Variants in LHFPL3 observed in about 807,000 individuals in gnomAD.
LHFPL3 encodes LHFPL tetraspan subfamily member 3, also known as LHFPL tetraspan subfamily member 3 protein.
In LHFPL3, 5 loss-of-function variants were observed where a neutral mutation model predicts 19.3. The observed-to-expected ratio is 0.26, with a 90% CI of 0.14 to 0.54. The LOEUF is 0.54. LHFPL3 is among the 20% of genes least tolerant of loss of function. The pLI is 0.94. For synonymous variants in LHFPL3, 133 were observed against 126.2 expected, an observed-to-expected ratio of 1.05 and a Z score of -0.36; for missense variants, 249 against 307.4, an observed-to-expected ratio of 0.81 and a Z score of 1.42.
intron 1 of LHFPL3, among the ~76,000 whole-genome samples, chr7:104,394,287 C>G (rs1163197084): frequency 2.0e-5 from 3 of 152,090 alleles, no homozygotes; most frequent in Non-Finnish European, 4.4e-5. Flanking sequence ...CTAACAAGCT[C>G]CCAGGTTGCA....
intron 2 of LHFPL3, among the ~76,000 whole-genome samples, chr7:104,762,057 C>A (rs1046026393): frequency 1.3e-5 from 2 of 152,156 alleles, no homozygotes; most frequent in Non-Finnish European, 2.9e-5. Flanking sequence ...TCAGTAGATT[C>A]TGCATATCTA....
At chr7:104,857,161 T>G (rs749936002) in intron 2 of LHFPL3, among the ~76,000 whole-genome samples, 7 of 152,210 alleles carry the variant, frequency 4.6e-5, no homozygotes, top group Non-Finnish European at 8.8e-5. Context: ...TGAGCCTATT[T>G]GACTAGTAGG....
chr7:104,796,193 C>A (rs1456069130), intron 2 of LHFPL3, among the ~76,000 whole-genome samples: 1 of 152,204 alleles, frequency 6.6e-6, no homozygotes, highest in Non-Finnish European at 1.5e-5. Context: ...CTCCTGGTGA[C>A]AGCATGTGCA....
chr7:104,810,480 A>G (rs1396448726), intron 2 of LHFPL3, among the ~76,000 whole-genome samples: 1 of 152,110 alleles, frequency 6.6e-6, no homozygotes, highest in African/African-American at 2.4e-5. Context: ...AGAACTGAGG[A>G]GAGAGGGTCA....
chr7:104,834,594 A>G (rs1157613369), intron 2 of LHFPL3, among the ~76,000 whole-genome samples: 1 of 152,056 alleles, frequency 6.6e-6, no homozygotes, highest in African/African-American at 2.4e-5. Flanking sequence ...TGCCCTTGTC[A>G]AGTGGAGACA....
chr7:104,510,517 C>G (rs1793789117), intron 1 of LHFPL3, among the ~76,000 whole-genome samples: 1 of 152,068 alleles, frequency 6.6e-6, no homozygotes. Flanking sequence ...TGACCTAAGT[C>G]TGACACTTAA....
intron 1 of LHFPL3, among the ~76,000 whole-genome samples, chr7:104,374,245 CAT>C (rs1790667038): frequency 7.3e-6 from 1 of 136,434 alleles, no homozygotes; most frequent in African/African-American, 2.7e-5. Context: ...TGTGTGTATA[CAT>C]ATATATTTTT....
intron 1 of LHFPL3, among the ~76,000 whole-genome samples, chr7:104,736,411 T>C (rs2116301357): frequency 6.6e-6 from 1 of 152,232 alleles, no homozygotes; most frequent in Non-Finnish European, 1.5e-5. Context: ...GATGCTTGCG[T>C]TCACTGTAAA....
At chr7:104,644,431 A>G (rs986275725) in intron 1 of LHFPL3, among the ~76,000 whole-genome samples, 20 of 152,130 alleles carry the variant, frequency 1.3e-4, no homozygotes, top group South Asian at 4.1e-4. Context: ...GCACATAAAT[A>G]TTATTGGGTG....
intron 2 of LHFPL3, among the ~76,000 whole-genome samples, chr7:104,879,758 C>G (rs1792012963): frequency 6.6e-6 from 1 of 152,186 alleles, no homozygotes; most frequent in African/African-American, 2.4e-5. Context: ...GAAACCACAG[C>G]AAGTTATCCA....
At chr7:104,729,711 A>G (rs1793657043) in intron 1 of LHFPL3, among the ~76,000 whole-genome samples, 1 of 151,964 alleles carries the variant, frequency 6.6e-6, no homozygotes, top group South Asian at 2.1e-4. Context: ...TCATTTTTTG[A>G]TGGTTGAATA....
intron 2 of LHFPL3, chr7:104,738,566 C>T (rs1405969984): frequency 6.6e-6 from 1 of 151,878 alleles, no homozygotes; most frequent in Non-Finnish European, 1.5e-5. Flanking sequence ...TGACCACAAA[C>T]AAAGAGAAAA....
intron 1 of LHFPL3, among the ~76,000 whole-genome samples, chr7:104,502,458 G>C (rs1029976590): frequency 6.6e-6 from 1 of 152,210 alleles, no homozygotes; most frequent in South Asian, 2.1e-4. Flanking sequence ...AAGTAAAAAT[G>C]ATGTGCAGCA....
At chr7:104,803,575 T>A (rs571915294) in intron 2 of LHFPL3, 1 of 152,302 alleles carries the variant, frequency 6.6e-6, no homozygotes, top group South Asian at 2.1e-4. Context: ...AACTGGCCAG[T>A]TAGCAAGTTA....
Position 104,553,359 on chromosome 7 carries a change from A to C in LHFPL3, c.446-183316A>C, listed in dbSNP as rs144366216. On this transcript the variant is annotated intron_variant, in intron 1 of 2. Coordinates refer to ENST00000424859, the MANE Select transcript of LHFPL3 (RefSeq NM_199000.3). ...AAAATATGCTCTTCTCTGCTGCTTT[A>C]CCACCTTTCCATTTTAATAAAAAGT... is the stretch of plus-strand genomic sequence containing the variant. 5.0e-3 allele frequency among the ~76,000 whole-genome samples: 757 copies of C among 152,284 alleles called. 5 individuals are homozygous for C. The highest frequency in any genetic ancestry group is 0.017 in the African/African-American group (696 of 41,568).
intron 2 of LHFPL3, among the ~76,000 whole-genome samples, chr7:104,856,148 G>A (rs1791501504): frequency 6.6e-6 from 1 of 151,828 alleles, no homozygotes; most frequent in Admixed American, 6.6e-5. Flanking sequence ...CCTGTCAGCT[G>A]CCTCAAAGTA....
chr7:104,644,698 A>T (rs7801340), intron 1 of LHFPL3, among the ~76,000 whole-genome samples: 1 of 152,090 alleles, frequency 6.6e-6, no homozygotes, highest in Admixed American at 6.5e-5. Context: ...GAGGCCTTGG[A>T]GCAGACTCTT....
At chr7:104,483,374 A>G (rs1793173744) in intron 1 of LHFPL3, among the ~76,000 whole-genome samples, 1 of 152,230 alleles carries the variant, frequency 6.6e-6, no homozygotes, top group Non-Finnish European at 1.5e-5. Context: ...ACCATTTTAT[A>G]AATTTTATGT....
chr7:104,640,887 T>A (rs926781246), intron 1 of LHFPL3, among the ~76,000 whole-genome samples: 2 of 152,228 alleles, frequency 1.3e-5, no homozygotes, highest in African/African-American at 4.8e-5. Flanking sequence ...AATCTATTAA[T>A]GGAGGGAATT....
Sources: allele counts gnomAD v4.1 joint callset (sites outside exome capture counted in the v4.1 genomes callset), GRCh38; gene constraint gnomAD v4.1.1; transcripts MANE v1.5; gene names NCBI Gene and HGNC (gene_info 2026-07-23, HGNC 2026-07-21).